SYNPR: variants seen among roughly 807,000 people sequenced by gnomAD.
SYNPR encodes synaptoporin.
In SYNPR, 23 loss-of-function variants were observed where a neutral mutation model predicts 32.9. The ratio of observed to expected loss-of-function variants is 0.70; its 90% CI spans 0.50 to 0.99. The LOEUF (loss-of-function observed/expected upper bound fraction) is 0.99. Ranked by LOEUF, SYNPR falls within the 50% of genes least tolerant of loss-of-function variation. The probability of loss-of-function intolerance (pLI) is 0.00; values close to 1 mark genes in which losing one functional copy is unlikely to be tolerated. For synonymous variants in SYNPR, 146 were observed against 135.9 expected (o/e 1.07, Z -0.52); for missense variants, 318 against 349.3 (o/e 0.91, Z 0.71).
intron 2 of SYNPR, among the ~76,000 whole-genome samples, chr3:63,389,968 T>C (rs2088110343): frequency 6.6e-6 from 1 of 152,254 alleles, no homozygotes; most frequent in Admixed American, 6.5e-5. Flanking sequence ...AAGCCCACTC[T>C]GGGCTCTGTG....
intron 3 of SYNPR, among the ~76,000 whole-genome samples, chr3:63,497,603 G>A (rs553493624): frequency 8.7e-4 from 129 of 147,482 alleles, no homozygotes; most frequent in Middle Eastern, 3.5e-3. Context: ...CACAAACTTT[G>A]CCATTTCCAA....
chr3:63,388,590 GTGTGTA>G (rs2088088595), intron 2 of SYNPR, among the ~76,000 whole-genome samples: 1 of 143,828 alleles, frequency 7.0e-6, no homozygotes, highest in South Asian at 2.2e-4. Context: ...GTGTGTGTGT[GTGTGTA>G]TTTTTAGTAG....
chr3:63,257,652 T>C (rs1157984121), intron 2 of SYNPR, among the ~76,000 whole-genome samples: 1 of 152,138 alleles, frequency 6.6e-6, no homozygotes, highest in East Asian at 1.9e-4. Context: ...AGGAAGAAAC[T>C]GCATCAACTA....
At chr3:63,452,670 A>G (rs917241583) in intron 2 of SYNPR, among the ~76,000 whole-genome samples, 1 of 132,500 alleles carries the variant, frequency 7.5e-6, no homozygotes, top group Non-Finnish European at 1.7e-5. Flanking sequence ...CATTATTTTA[A>G]GAATGGGGAA....
intron 2 of SYNPR, among the ~76,000 whole-genome samples, chr3:63,256,604 C>T (rs1328916061): frequency 6.6e-6 from 1 of 152,144 alleles, no homozygotes; most frequent in Non-Finnish European, 1.5e-5. Flanking sequence ...GTAGATAAAA[C>T]CACAAAGATG....
At position 63,609,199 on chromosome 3, in the gene SYNPR, C is replaced by T. The variant is rs771070370; in HGVS notation, c.483C>T (p.Asp161=). The part of the protein sequence containing the change: ...GSSAWAKGLS[D]VKVATDPKEV... ...CAGCTTGGGCAAAAGGACTGTCTGA[C>T]GTCAAAGTTGCAACGGATCCCAAGG... Residue 161 remains aspartate, a synonymous_variant, in exon 5 of 6, where the codon GAC becomes GAT. Transcript: ENST00000478300. 56 of 1,610,736 alleles carry T rather than the reference C, an allele frequency of 3.5e-5. No individual in the cohort carries two copies. Among genetic ancestry groups the T allele is most frequent in the South Asian group, 1.6e-4 (14 of 90,170 alleles).
chr3:63,511,087 T>C (rs1701689618), intron 3 of SYNPR, among the ~76,000 whole-genome samples: 1 of 152,000 alleles, frequency 6.6e-6, no homozygotes, highest in Admixed American at 6.6e-5. Flanking sequence ...AAAATCTGGG[T>C]AGTTAATAAG....
intron 3 of SYNPR, among the ~76,000 whole-genome samples, chr3:63,514,815 T>C (rs1348622197): frequency 6.6e-6 from 1 of 152,142 alleles, no homozygotes; most frequent in Non-Finnish European, 1.5e-5. Context: ...CTTGCTCTTT[T>C]GATAGCCTTT....
chr3:63,571,305 C>T (rs1702881502), intron 4 of SYNPR, among the ~76,000 whole-genome samples: 1 of 152,002 alleles, frequency 6.6e-6, no homozygotes, highest in Admixed American at 6.6e-5. Flanking sequence ...ACCTGCTGTC[C>T]CTGCAGTCTT....
At chr3:63,435,030 C>A (rs141943705) in intron 2 of SYNPR, among the ~76,000 whole-genome samples, 4 of 152,266 alleles carry the variant, frequency 2.6e-5, no homozygotes, top group Admixed American at 2.0e-4. Context: ...ATATCTATCA[C>A]CAGAAATTAT....
At chr3:63,509,736 A>G (rs1343696712) in intron 3 of SYNPR, among the ~76,000 whole-genome samples, 2 of 152,146 alleles carry the variant, frequency 1.3e-5, no homozygotes, top group Non-Finnish European at 2.9e-5. Context: ...TTGACAGACA[A>G]TAAAGGTTAT....
At chr3:63,255,855 C>G (rs533060426) in intron 2 of SYNPR, among the ~76,000 whole-genome samples, 1 of 152,164 alleles carries the variant, frequency 6.6e-6, no homozygotes, top group South Asian at 2.1e-4. Context: ...CCTGGAAAAC[C>G]GGGTCACTCC....
the SYNPR span, among the ~76,000 whole-genome samples, chr3:63,205,057 A>G: frequency 2.6e-5 from 4 of 152,224 alleles, no homozygotes; most frequent in Non-Finnish European, 5.9e-5. Flanking sequence ...TCTGACCTCT[A>G]TAACGGGGTC....
At chr3:63,242,695 CA>C (rs2086257495) in intron 1 of SYNPR, among the ~76,000 whole-genome samples, 1 of 151,956 alleles carries the variant, frequency 6.6e-6, no homozygotes, top group Admixed American at 6.6e-5. Flanking sequence ...GTTGGAGATT[CA>C]AAACATGAAA....
rs117538330 is a variant in SYNPR, at chr3:63,533,668, G to A, written c.210-22875G>A. 5.6e-3 allele frequency among the ~76,000 whole-genome samples: 845 copies of A among 152,238 alleles called. 7 individuals are homozygous for A. The highest frequency in any genetic ancestry group is 0.026 in the East Asian group (132 of 5,164). ...AGCGGCTCAAGGCACATGTACAGTG[G>A]AAACTAACAAATTGCTTCAATTTGT... On this transcript the variant is annotated intron_variant, in intron 3 of 5. Transcript: ENST00000478300.
intron 2 of SYNPR, among the ~76,000 whole-genome samples, chr3:63,373,732 T>A (rs1210885555): frequency 6.6e-6 from 1 of 152,010 alleles, no homozygotes; most frequent in Admixed American, 6.6e-5. Context: ...AGAGAACCCC[T>A]GCAAGATACT....
chr3:63,473,251 C>A (rs1372199714), intron 2 of SYNPR, among the ~76,000 whole-genome samples: 1 of 152,128 alleles, frequency 6.6e-6, no homozygotes, highest in African/African-American at 2.4e-5. Context: ...CCCTCCCCTG[C>A]AATTATATAC....
At chr3:63,552,741 T>C (rs777267272) in intron 3 of SYNPR, among the ~76,000 whole-genome samples, 10 of 152,150 alleles carry the variant, frequency 6.6e-5, no homozygotes, top group Non-Finnish European at 1.2e-4. Context: ...CCTTATTATT[T>C]AACATAAACA....
At chr3:63,321,150 C>A (rs1483927113) in intron 2 of SYNPR, among the ~76,000 whole-genome samples, 1 of 151,982 alleles carries the variant, frequency 6.6e-6, no homozygotes, top group Non-Finnish European at 1.5e-5. Flanking sequence ...AAGGGAGGAC[C>A]TTACGTACTT....
Sources: allele counts gnomAD v4.1 joint callset (sites outside exome capture counted in the v4.1 genomes callset), GRCh38; gene constraint gnomAD v4.1.1; transcripts MANE v1.5; gene names NCBI Gene and HGNC (gene_info 2026-07-23, HGNC 2026-07-21).